Variants in SYNE2 observed in about 807,000 individuals in gnomAD.
SYNE2 encodes the protein spectrin repeat containing nuclear envelope protein 2.
Under a neutral mutation model 856.3 loss-of-function variants are expected in SYNE2, and 431 were observed. The ratio of observed to expected loss-of-function variants is 0.50; its 90% CI spans 0.47 to 0.55. The LOEUF is 0.55. Ranked by LOEUF, SYNE2 falls within the 20% of genes least tolerant of loss-of-function variation. SYNE2 has a pLI of 0.00. For synonymous variants in SYNE2, 2,923 were observed against 2,872.3 expected (o/e 1.02, Z -0.56); for missense variants, 8,129 against 8,023.2 (o/e 1.01, Z -0.50).
At chr14:64,047,778 A>C (rs1420024499) in intron 45 of SYNE2, among the ~76,000 whole-genome samples, 1 of 152,132 alleles carries the variant, frequency 6.6e-6, no homozygotes, top group Non-Finnish European at 1.5e-5. Context: ...CAATTGACCA[A>C]TGCTATATCC....
chr14:64,098,453 A>G (rs2097695019), intron 62 of SYNE2: 1 of 583,644 alleles, frequency 1.7e-6, no homozygotes, highest in Admixed American at 3.0e-5. Context: ...CCCTTTGCAG[A>G]CTCAAGAAGG....
At chr14:64,021,728 G>A in intron 36 of SYNE2, 129 bp from the exon 37 acceptor site, 2 of 1,090,234 alleles carry the variant, frequency 1.8e-6, no homozygotes, top group South Asian at 1.4e-5. Context: ...ACATTTACTA[G>A]CAAAGAGAAA....
Position 63,993,978 on chromosome 14 carries a change from A to T in SYNE2, c.2781+9A>T, listed in dbSNP as rs1269992883. ...TCTGTGCCAAATGGGAGGTAAGAAC[A>T]TGCATATGTTTCTGAACTTACGTTT... On this transcript the variant is annotated intron_variant, in intron 22 of 115. Coordinates refer to ENST00000555002, the MANE Select transcript of SYNE2 (RefSeq NM_182914.3). 21 of 1,613,480 alleles carry T rather than the reference A, an allele frequency of 1.3e-5. No homozygotes were observed. The highest frequency in any genetic ancestry group is 1.6e-5 in the Non-Finnish European group (19 of 1,179,636).
At position 63,954,706 on chromosome 14, in the gene SYNE2, CT is replaced by C. The variant is rs761443945; in HGVS notation, c.591-8del. 6.2e-7 allele frequency: 1 copy of C among 1,612,806 alleles called. No individual in the cohort carries two copies. The highest frequency in any genetic ancestry group is 8.5e-7 in the Non-Finnish European group (1 of 1,179,254). ...TTAATGGTATTTGTCATGTTTTTGT[CT>C]TTTTATGATAGCTATGAGTCTGTCA... On this transcript the variant is annotated splice_polypyrimidine_tract_variant and intron_variant, in intron 7 of 115. Coordinates refer to ENST00000555002, the MANE Select transcript of SYNE2 (RefSeq NM_182914.3).
intron 49 of SYNE2, among the ~76,000 whole-genome samples, chr14:64,057,373 G>A (rs926525944): frequency 2.6e-5 from 4 of 152,046 alleles, no homozygotes; most frequent in Non-Finnish European, 2.9e-5. Context: ...AATATGTGAT[G>A]TTTGTCTTTC....
At chr14:64,180,092 T>A (rs1372614322) in intron 96 of SYNE2, among the ~76,000 whole-genome samples, 1 of 152,260 alleles carries the variant, frequency 6.6e-6, no homozygotes, top group African/African-American at 2.4e-5. Flanking sequence ...TTTATTCGTA[T>A]GGATAGCCAG....
At chr14:63,966,332 T>C (rs1354942547) in intron 10 of SYNE2, among the ~76,000 whole-genome samples, 1 of 150,910 alleles carries the variant, frequency 6.6e-6, no homozygotes, top group African/African-American at 2.4e-5. Flanking sequence ...CTGGACAACA[T>C]GGTGAAACCT....
intron 84 of SYNE2, 140 bp downstream of exon 84, chr14:64,146,363 A>T: frequency 3.9e-6 from 3 of 770,618 alleles, no homozygotes; most frequent in Non-Finnish European, 5.8e-6. Context: ...TATGTCAATT[A>T]GATAATGACC....
intron 1 of SYNE2, among the ~76,000 whole-genome samples, chr14:63,866,513 A>C (rs1895366342): frequency 6.6e-6 from 1 of 152,208 alleles, no homozygotes; most frequent in African/African-American, 2.4e-5. Flanking sequence ...TTTTTTTAAA[A>C]AGCTTATCTC....
intron 96 of SYNE2, among the ~76,000 whole-genome samples, chr14:64,185,425 T>G (rs1204227233): frequency 6.6e-6 from 1 of 152,040 alleles, no homozygotes. Context: ...TTACCTTCCC[T>G]GCTGTGAAAG....
At chr14:63,975,299 T>C (rs1016562972) in intron 11 of SYNE2, among the ~76,000 whole-genome samples, 2 of 152,064 alleles carry the variant, frequency 1.3e-5, no homozygotes, top group Non-Finnish European at 2.9e-5. Flanking sequence ...TTTCGTTTTA[T>C]GTTTTTGCAT....
intron 1 of SYNE2, among the ~76,000 whole-genome samples, chr14:63,823,907 G>A (rs2139871804): frequency 6.6e-6 from 1 of 152,208 alleles, no homozygotes; most frequent in South Asian, 2.1e-4. Flanking sequence ...AAAGTGCTGA[G>A]ATTACAGGCA....
chr14:63,814,334 C>A (rs1003986322), intron 1 of SYNE2, among the ~76,000 whole-genome samples: 2 of 148,312 alleles, frequency 1.3e-5, no homozygotes, highest in African/African-American at 4.9e-5. Context: ...CAAAAAACTG[C>A]CTGTATTAGT....
intron 99 of SYNE2, among the ~76,000 whole-genome samples, chr14:64,199,029 G>C (rs1285658316): frequency 6.6e-6 from 1 of 152,198 alleles, no homozygotes; most frequent in Non-Finnish European, 1.5e-5. Flanking sequence ...TCCAAGACAA[G>C]GCAAATGGTT....
intron 76 of SYNE2, 119 bp from the exon 77 acceptor site, chr14:64,132,146 C>T (rs964028170): frequency 2.6e-5 from 32 of 1,212,602 alleles, no homozygotes; most frequent in Admixed American, 1.4e-4. Context: ...TGACTCTACA[C>T]GGATGTCCTG....
chr14:63,959,602 A>G (rs940676352), intron 8 of SYNE2, among the ~76,000 whole-genome samples: 3 of 152,128 alleles, frequency 2.0e-5, no homozygotes, highest in East Asian at 1.9e-4. Context: ...TGGCCTGCCT[A>G]CAGCCGTATT....
chr14:64,170,836 T>C (rs1156720345), intron 94 of SYNE2, among the ~76,000 whole-genome samples: 1 of 152,206 alleles, frequency 6.6e-6, no homozygotes, highest in African/African-American at 2.4e-5. Context: ...CATTGTTTAC[T>C]CTTGAAGGGC....
chr14:63,820,616 C>T (rs1440782576), intron 1 of SYNE2, among the ~76,000 whole-genome samples: 2 of 152,254 alleles, frequency 1.3e-5, no homozygotes, highest in East Asian at 3.9e-4. Context: ...TAGCCAGACA[C>T]TGAGAAGTGT....
chr14:63,787,061 C>G (rs1225354536), intron 1 of SYNE2, among the ~76,000 whole-genome samples: 1 of 152,180 alleles, frequency 6.6e-6, no homozygotes, highest in East Asian at 1.9e-4. Context: ...CTGTGCCCAG[C>G]CTTCTTTTTT....
Sources: gnomAD v4.1 joint callset for allele counts (sites outside exome capture counted in the v4.1 genomes callset) on GRCh38, gnomAD v4.1.1 for gene constraint, MANE v1.5 for transcripts, NCBI Gene and HGNC (gene_info 2026-07-23, HGNC 2026-07-21) for gene names.